The following RSRP1 variants were observed in gnomAD, a reference collection of about 807,000 sequenced individuals.
The protein encoded by RSRP1 is arginine/serine-rich protein 1.
In RSRP1, 37 loss-of-function variants were observed where a neutral mutation model predicts 33.0. The observed-to-expected ratio is 1.12, with a 90% CI of 0.86 to 1.48. RSRP1 has a LOEUF of 1.48. Among genes scored for constraint, RSRP1 ranks in the 40% most tolerant of loss-of-function variants. The pLI is 0.00. For missense variants in RSRP1, 402 were observed against 385.3 expected (o/e 1.04, Z -0.36); for synonymous variants, 167 against 158.7 (o/e 1.05, Z -0.40).
rs1298055878 is a variant in RSRP1 at position 25,268,554 on chromosome 1, C to T, written c.-66-21525G>A. On this transcript the variant is annotated intron_variant, in intron 1 of 1. Transcript: ENST00000561867. ...AATACACAAGTAAAAATATAGACCT[C>T]GTCAGATGCTAGTAAGTGCTGTGAA... Among the ~76,000 whole-genome samples, 32 of 131,162 alleles carry T rather than the reference C, an allele frequency of 2.4e-4. 6 individuals carry two copies. The highest frequency in any genetic ancestry group is 7.8e-4 in the African/African-American group (30 of 38,506). The allele number at this position is 131,162 out of a possible 152,430, so 86.0% of individuals were successfully genotyped here.
chr1:25,260,782 C>T (rs1361171283), intron 1 of RSRP1, among the ~76,000 whole-genome samples: 1 of 151,522 alleles, frequency 6.6e-6, no homozygotes, highest in Non-Finnish European at 1.5e-5. Flanking sequence ...TGCTTTTACA[C>T]TTCTGGTGTC....
chr1:25,274,736 G>A lies in RSRP1; in HGVS notation c.-66-27707C>T, dbSNP rs1332339411. On this transcript the variant is annotated intron_variant, in intron 1 of 1. Coordinates refer to the RSRP1 transcript ENST00000561867. Reference sequence around the variant, plus strand: ...AAGGGGAAACAAAGGGCCGGGCGACGTGGCTCACGCCTGTAATCCCGGCAC... The same window carrying A: ...AAGGGGAAACAAAGGGCCGGGCGACATGGCTCACGCCTGTAATCCCGGCAC... Among the ~76,000 whole-genome samples the A allele has an allele frequency of 4.5e-5, 6 of 134,140 alleles. 1 individual carries two copies. Among genetic ancestry groups the A allele is most frequent in the Admixed American group, 1.4e-4 (2 of 13,862 alleles). The allele number at this position is 134,140 out of a possible 152,430, so 88.0% of individuals were successfully genotyped here. A position where few individuals can be genotyped will look rare whatever the true frequency, so the allele number is the denominator to read the frequency against.
At chr1:25,336,421 T>C (rs1470384681) in intron 1 of RSRP1, 8 of 145,074 alleles carry the variant, frequency 5.5e-5, no homozygotes. Flanking sequence ...GGGGTTAATA[T>C]GGGTGGCTGG....
intron 1 of RSRP1, among the ~76,000 whole-genome samples, chr1:25,289,601 A>G (rs1374143011): frequency 7.9e-6 from 1 of 127,118 alleles, no homozygotes; most frequent in African/African-American, 2.7e-5. Context: ...TAGCATCATC[A>G]TCATTAACTC....
intron 1 of RSRP1, among the ~76,000 whole-genome samples, chr1:25,258,783 T>A (rs939941936): frequency 6.6e-6 from 1 of 152,050 alleles, no homozygotes; most frequent in Admixed American, 6.6e-5. Flanking sequence ...AACAATGAAA[T>A]AAATATCTCT....
At chr1:25,252,348 T>C (rs369354101), upstream of RSRP1, among the ~76,000 whole-genome samples, 3 of 151,486 alleles carry the variant, frequency 2.0e-5, no homozygotes, top group East Asian at 5.8e-4. Context: ...AAGTATAAAA[T>C]AGAAGGTGCA....
At position 25,319,900 on chromosome 1, in the gene RSRP1, T is replaced by G. The variant is rs552536110; in HGVS notation, c.-67+18078A>C. Among the ~76,000 whole-genome samples, 443 of 129,132 alleles carry G rather than the reference T, an allele frequency of 3.4e-3. 103 individuals are homozygous for G. The highest frequency in any genetic ancestry group is 0.02 in the Middle Eastern group (5 of 244). 84.7% of individuals were successfully genotyped at this position (129,132 alleles called of 152,430 possible). On this transcript the variant is annotated intron_variant, in intron 1 of 1. Transcript: ENST00000561867. The stretch of plus-strand genomic sequence containing the variant: ...AGCCTAACAGAGGAAGAGAAATTCT[T>G]TTTTTTTTCTTTTTTTAGACGCAGT...
At chr1:25,331,988 C>A (rs1203987134) in intron 1 of RSRP1, among the ~76,000 whole-genome samples, 2 of 125,850 alleles carry the variant, frequency 1.6e-5, no homozygotes, top group Non-Finnish European at 3.7e-5. Context: ...GATCCACCTG[C>A]CTCAGCCTCC....
chr1:25,270,643 C>T (rs1209561232), intron 1 of RSRP1, among the ~76,000 whole-genome samples: 1 of 132,260 alleles, frequency 7.6e-6, no homozygotes, highest in African/African-American at 2.6e-5. Flanking sequence ...ATCTAGGCTA[C>T]AGTTAAGTGG....
At chr1:25,298,685 C>A (rs1643132856) in intron 1 of RSRP1, among the ~76,000 whole-genome samples, 1 of 131,634 alleles carries the variant, frequency 7.6e-6, no homozygotes, top group East Asian at 2.0e-4. Flanking sequence ...TTGTTCCCTT[C>A]ACAAATATTT....
At chr1:25,308,281 T>C (rs1339931788) in intron 1 of RSRP1, among the ~76,000 whole-genome samples, 1 of 113,830 alleles carries the variant, frequency 8.8e-6, no homozygotes, top group African/African-American at 3.0e-5. Context: ...CTGGAAGCAT[T>C]GGTTCTCCAC....
Position 25,281,883 on chromosome 1 carries a change from A to G in RSRP1, c.-66-34854T>C, listed in dbSNP as rs375508458. On this transcript the variant is annotated intron_variant, in intron 1 of 1. Transcript: ENST00000561867. ...TTGTCCTCTCTGGCAGACCCTGGGT[A>G]TGTGTATGTTTCAATGGAAGTGAAT... Among the ~76,000 whole-genome samples the G allele has an allele frequency of 7.5e-5, 10 of 132,608 alleles. 2 individuals carry two copies. The highest frequency in any genetic ancestry group is 2.2e-4 in the Admixed American group (3 of 13,596). 87.0% of individuals were successfully genotyped at this position (132,608 alleles called of 152,430 possible).
intron 1 of RSRP1, among the ~76,000 whole-genome samples, chr1:25,319,545 G>C (rs1395020173): frequency 1.5e-5 from 2 of 132,092 alleles, no homozygotes; most frequent in Non-Finnish European, 3.6e-5. Flanking sequence ...GGAGGCAGAA[G>C]TTGCAGTGAG....
chr1:25,302,399 G>T (rs552139881), intron 1 of RSRP1, among the ~76,000 whole-genome samples: 1 of 128,464 alleles, frequency 7.8e-6, no homozygotes, highest in South Asian at 2.4e-4. Context: ...GCACTGGGGG[G>T]GCTGGAGTGG....
intron 1 of RSRP1, among the ~76,000 whole-genome samples, chr1:25,316,527 G>T (rs1322948533): frequency 9.2e-6 from 1 of 108,706 alleles, no homozygotes; most frequent in Non-Finnish European, 2.2e-5. Context: ...CACAAGAATC[G>T]CTTGAACCTG....
intron 1 of RSRP1, among the ~76,000 whole-genome samples, chr1:25,315,589 C>T (rs28493827): frequency 1.1e-4 from 14 of 125,798 alleles, no homozygotes; most frequent in South Asian, 2.5e-4. Flanking sequence ...CTCCACCTCC[C>T]AGGTTCACGC....
At chr1:25,243,016 G>A in intron 4 of RSRP1, among the ~76,000 whole-genome samples, 1 of 152,116 alleles carries the variant, frequency 6.6e-6, no homozygotes, top group Non-Finnish European at 1.5e-5. Flanking sequence ...CTTGAACCCA[G>A]GAGGCAGGCA....
chr1:25,299,460 C>A (rs1643212892), intron 1 of RSRP1, among the ~76,000 whole-genome samples: 1 of 131,366 alleles, frequency 7.6e-6, no homozygotes. Context: ...ACACCCTCTA[C>A]AGACAAGGCA....
At position 25,305,934 on chromosome 1, in the gene RSRP1, TAAGG is replaced by T. The variant is rs1643791158; in HGVS notation, c.-67+32040_-67+32043del. On this transcript the variant is annotated intron_variant, in intron 1 of 1. Coordinates refer to the RSRP1 transcript ENST00000561867. ...TTATTCTGAAGACTAATAGGGATTC[TAAGG>T]AAGGAACCAGCCTGATTGAATTTGC... Among the ~76,000 whole-genome samples the T allele has an allele frequency of 1.5e-5, 2 of 131,810 alleles. 1 individual carries two copies. The highest frequency in any genetic ancestry group is 1.5e-4 in the Admixed American group (2 of 13,586). 86.5% of individuals were successfully genotyped at this position (131,810 alleles called of 152,430 possible).
Sources: gnomAD v4.1 joint callset for allele counts (sites outside exome capture counted in the v4.1 genomes callset) on GRCh38, gnomAD v4.1.1 for gene constraint, MANE v1.5 for transcripts, NCBI Gene and HGNC (gene_info 2026-07-23, HGNC 2026-07-21) for gene names.